Variants in SLC25A26 observed in about 807,000 individuals in gnomAD.
SLC25A26 encodes solute carrier family 25 member 26.
A neutral mutation model predicts 37.8 loss-of-function variants in SLC25A26; 36 were observed. That is an observed-to-expected ratio of 0.95 (90% CI 0.73 to 1.26). SLC25A26 has a LOEUF of 1.26. Ranked by LOEUF, SLC25A26 falls within the 50% of genes most tolerant of loss-of-function variation. SLC25A26 has a pLI of 0.00. For synonymous variants in SLC25A26, 129 were observed against 122.5 expected, an observed-to-expected ratio of 1.05 and a Z score of -0.35; for missense variants, 390 against 331.1, an observed-to-expected ratio of 1.18 and a Z score of -1.38.
chr3:66,222,423 C>T (rs1553658903), intron 1 of SLC25A26, among the ~76,000 whole-genome samples: 2 of 152,168 alleles, frequency 1.3e-5, no homozygotes, highest in Non-Finnish European at 1.5e-5. Flanking sequence ...CTCGTGATCC[C>T]GCCCGCCTCG....
At chr3:66,330,724 C>G (rs1055436110) in intron 5 of SLC25A26, among the ~76,000 whole-genome samples, 1 of 151,788 alleles carries the variant, frequency 6.6e-6, no homozygotes, top group African/African-American at 2.4e-5. Context: ...AAACTTTTGC[C>G]CATTCAAAAA....
At chr3:66,261,589 G>T (rs1390898041) in intron 3 of SLC25A26, 1 of 160,502 alleles carries the variant, frequency 6.2e-6, no homozygotes, top group African/African-American at 2.4e-5. Context: ...AGGTCTAGGG[G>T]CTGGAGTTGG....
intron 5 of SLC25A26, among the ~76,000 whole-genome samples, chr3:66,268,860 C>G (rs368928669): frequency 8.5e-5 from 13 of 152,290 alleles, no homozygotes; most frequent in African/African-American, 2.6e-4. Context: ...CCTTTGTGCT[C>G]TCTCTCTCCT....
chr3:66,340,774 A>C (rs1302977563), intron 5 of SLC25A26, among the ~76,000 whole-genome samples: 1 of 152,124 alleles, frequency 6.6e-6, no homozygotes, highest in African/African-American at 2.4e-5. Flanking sequence ...AAATATTGTC[A>C]ATACTCCACC....
rs925707913 is a variant in SLC25A26, at chr3:66,203,682, G to C, written c.-353-17060G>C. 8.3e-4 allele frequency among the ~76,000 whole-genome samples: 127 copies of C among 152,240 alleles called. 1 individual carries two copies. The highest frequency in any genetic ancestry group is 2.9e-3 in the African/African-American group (120 of 41,548). ...CTTATGTCTAGAGAAAAAAAGAAAA[G>C]ACTGCTTACTTTAAAGATGCTAATT... On this transcript the variant is annotated intron_variant, in intron 1 of 10. Coordinates refer to the SLC25A26 transcript ENST00000676754.
intron 5 of SLC25A26, among the ~76,000 whole-genome samples, chr3:66,271,868 GT>G (rs2073972422): frequency 6.6e-6 from 1 of 151,834 alleles, no homozygotes; most frequent in African/African-American, 2.4e-5. Context: ...GGAAATGTCT[GT>G]TCGTTTTCTT....
At position 66,267,404 on chromosome 3, in the gene SLC25A26, G is replaced by A. The variant is rs79347655; in HGVS notation, c.453+4025G>A. ...GGGAGGGCCTTCAAGAGAGCACGAA[G>A]TGGGGTGTTTGCCTGGAGGAGAAGT... is the stretch of plus-strand genomic sequence containing the variant. On this transcript the variant is annotated intron_variant, in intron 5 of 9. Transcript: ENST00000354883. 2.8e-3 allele frequency among the ~76,000 whole-genome samples: 432 copies of A among 152,328 alleles called. 4 individuals are homozygous for A. Among genetic ancestry groups the A allele is most frequent in the African/African-American group, 9.9e-3 (412 of 41,570 alleles).
At chr3:66,164,723 T>C (rs552106880) in intron 1 of SLC25A26, among the ~76,000 whole-genome samples, 1 of 152,272 alleles carries the variant, frequency 6.6e-6, no homozygotes, top group East Asian at 1.9e-4. Context: ...AAATGTAAAA[T>C]CTATTCTTAG....
intron 1 of SLC25A26, among the ~76,000 whole-genome samples, chr3:66,180,764 A>G (rs1264480634): frequency 6.6e-6 from 1 of 152,016 alleles, no homozygotes; most frequent in Non-Finnish European, 1.5e-5. Context: ...TTTTTGGAGT[A>G]TTTATCTATT....
chr3:66,347,429 G>A (rs4261818), intron 6 of SLC25A26, among the ~76,000 whole-genome samples: 83,038 of 152,072 alleles, frequency 0.55, 24,886 homozygotes, highest in African/African-American at 0.79. Context: ...ATGAGATACC[G>A]TCTCACACCA....
At chr3:66,231,334 A>G (rs782708536) in intron 1 of SLC25A26, among the ~76,000 whole-genome samples, 1 of 152,178 alleles carries the variant, frequency 6.6e-6, no homozygotes, top group Non-Finnish European at 1.5e-5. Flanking sequence ...AGTGGCTTCT[A>G]TATATCAAGT....
At chr3:66,190,507 C>T (rs1362752348) in intron 1 of SLC25A26, among the ~76,000 whole-genome samples, 1 of 152,194 alleles carries the variant, frequency 6.6e-6, no homozygotes, top group Admixed American at 6.5e-5. Context: ...CGGCTCACTA[C>T]AACCTCTGCC....
chr3:66,316,067 A>T (rs1482435891), intron 5 of SLC25A26, among the ~76,000 whole-genome samples: 1 of 152,130 alleles, frequency 6.6e-6, no homozygotes, highest in Non-Finnish European at 1.5e-5. Flanking sequence ...TCTTTACTCC[A>T]GTTTGCCATT....
chr3:66,267,068 C>T (rs755134076), intron 5 of SLC25A26, among the ~76,000 whole-genome samples: 10 of 152,084 alleles, frequency 6.6e-5, no homozygotes, highest in South Asian at 4.1e-4. Context: ...ACATTTCTGC[C>T]CTGAAGCATT....
chr3:66,184,074 C>G (rs1026051002), intron 1 of SLC25A26, among the ~76,000 whole-genome samples: 2 of 151,950 alleles, frequency 1.3e-5, no homozygotes, highest in Admixed American at 1.3e-4. Context: ...TAAACTTTAA[C>G]CTTCAGAAGA....
chr3:66,142,299 C>T (rs951408832), intron 1 of SLC25A26, among the ~76,000 whole-genome samples: 4 of 152,148 alleles, frequency 2.6e-5, no homozygotes, highest in Non-Finnish European at 5.9e-5. Flanking sequence ...TCCAGGCCAT[C>T]GCATGTATCA....
intron 1 of SLC25A26, among the ~76,000 whole-genome samples, chr3:66,195,364 T>C (rs1432042619): frequency 6.6e-6 from 1 of 152,244 alleles, no homozygotes; most frequent in Non-Finnish European, 1.5e-5. Flanking sequence ...GCCAAATTGC[T>C]GTTCTCCAGG....
At chr3:66,160,478 T>A (rs1205463778) in intron 1 of SLC25A26, among the ~76,000 whole-genome samples, 2 of 152,194 alleles carry the variant, frequency 1.3e-5, no homozygotes, top group African/African-American at 4.8e-5. Flanking sequence ...GGAAAGCAGT[T>A]TTAAAAGTCA....
At chr3:66,136,981 T>G (rs764089353) in intron 1 of SLC25A26, among the ~76,000 whole-genome samples, 1 of 152,178 alleles carries the variant, frequency 6.6e-6, no homozygotes, top group Non-Finnish European at 1.5e-5. Context: ...GGTTATCTCT[T>G]ATTTATTGAA....
Sources: allele counts gnomAD v4.1 joint callset (sites outside exome capture counted in the v4.1 genomes callset), GRCh38; gene constraint gnomAD v4.1.1; transcripts MANE v1.5; gene names NCBI Gene and HGNC (gene_info 2026-07-23, HGNC 2026-07-21).